The following PLEKHS1 variants were observed in gnomAD, a reference collection of about 807,000 sequenced individuals.
The protein encoded by PLEKHS1 is pleckstrin homology domain-containing family S member 1.
In PLEKHS1, 55 loss-of-function variants were observed where a neutral mutation model predicts 51.0. The ratio of observed to expected loss-of-function variants is 1.08; its 90% confidence interval spans 0.87 to 1.35. The LOEUF (loss-of-function observed/expected upper bound fraction) is 1.35. Ranked by LOEUF, PLEKHS1 falls within the 40% of genes most tolerant of loss-of-function variation. The pLI is 0.00. For missense variants in PLEKHS1, 398 were observed against 423.0 expected (o/e 0.94, Z 0.52); for synonymous variants, 153 against 144.8 (o/e 1.06, Z -0.41).
At chr10:113,767,275 C>T in intron 4 of PLEKHS1, 70 bp from the exon 5 acceptor site, 1 of 1,141,458 alleles carries the variant, frequency 8.8e-7, no homozygotes, top group East Asian at 2.8e-5. Flanking sequence ...CATTTGAATC[C>T]CAATATAAAA....
exon 12 of PLEKHS1, chr10:113,780,925 C>G: frequency 1.4e-6 from 1 of 729,510 alleles, no homozygotes; most frequent in Non-Finnish European, 2.2e-6. Flanking sequence ...ATGACTATCC[C>G]CTCTCTGGTT....
At chr10:113,754,698 C>T (rs950326294) in intron 1 of PLEKHS1, among the ~76,000 whole-genome samples, 3 of 152,096 alleles carry the variant, frequency 2.0e-5, no homozygotes, top group African/African-American at 7.2e-5. Context: ...GTTGGTCAGG[C>T]TGGTCTCGAA....
At chr10:113,769,930 C>A in intron 7 of PLEKHS1, 30 bp downstream of exon 7, 1 of 1,492,324 alleles carries the variant, frequency 6.7e-7, no homozygotes, top group Non-Finnish European at 9.4e-7. Context: ...TCTCAGGACA[C>A]CACACCTGGG....
chr10:113,771,563 T>C lies in PLEKHS1; in HGVS notation c.553-407T>C, dbSNP rs1233707052. ...GGTGATGCGCGCCTGTATTCCCAGCTACTCAGGAGGCTGAGGCAGGAGAAT... is the reference window on the plus strand; with the variant it reads ...GGTGATGCGCGCCTGTATTCCCAGCCACTCAGGAGGCTGAGGCAGGAGAAT... On this transcript the variant is annotated intron_variant, in intron 7 of 11. Coordinates refer to ENST00000361048, the Ensembl canonical transcript of PLEKHS1. 2.0e-5 allele frequency among the ~76,000 whole-genome samples: 3 copies of C among 150,872 alleles called. No homozygotes were observed. In the East Asian group the frequency reaches 5.9e-4, roughly 30 times the overall value.
chr10:113,780,640 G>A (rs375920460), exon 12 of PLEKHS1: 2 of 1,613,916 alleles, frequency 1.2e-6, no homozygotes, highest in East Asian at 4.5e-5. Context: ...CAAATTCAGA[G>A]ACATTCCATG....
intron 1 of PLEKHS1, among the ~76,000 whole-genome samples, chr10:113,753,201 G>A (rs1228488058): frequency 7.2e-5 from 11 of 152,138 alleles, no homozygotes; most frequent in Non-Finnish European, 4.4e-5. Flanking sequence ...TCACTCATTA[G>A]GCTAACAGCT....
chr10:113,765,161 A>T, intron 2 of PLEKHS1: 1 of 436,810 alleles, frequency 2.3e-6, no homozygotes. Context: ...TTGTTTCCTG[A>T]ATATCTTTGT....
At chr10:113,780,106 A>G (rs1844820709) in intron 11 of PLEKHS1, among the ~76,000 whole-genome samples, 1 of 145,638 alleles carries the variant, frequency 6.9e-6, no homozygotes, top group South Asian at 2.5e-4. Flanking sequence ...TATGCTACAG[A>G]TGAGGGAAGT....
chr10:113,767,925 G>A (rs995057315), intron 5 of PLEKHS1, among the ~76,000 whole-genome samples: 5 of 152,094 alleles, frequency 3.3e-5, no homozygotes, highest in Non-Finnish European at 5.9e-5. Flanking sequence ...AAGAACATCA[G>A]TAATATTGGA....
Position 113,777,112 on chromosome 10 carries a change from T to A in PLEKHS1, c.1091+1246T>A. On this transcript the variant is annotated intron_variant, in intron 11 of 11. Coordinates refer to ENST00000361048, the Ensembl canonical transcript of PLEKHS1. ...CCTCACACTGGTATTGGATGTTGTA[T>A]TCCCACTGCAGTGTGTCTCAGTGGG... is the stretch of plus-strand genomic sequence containing the variant. 1 of 1,612,086 alleles carries A rather than the reference T, an allele frequency of 6.2e-7. No individual in the cohort carries two copies. The highest frequency in any genetic ancestry group is 8.5e-7 in the Non-Finnish European group (1 of 1,179,610).
At chr10:113,779,806 G>T (rs961850661) in intron 11 of PLEKHS1, among the ~76,000 whole-genome samples, 1 of 152,106 alleles carries the variant, frequency 6.6e-6, no homozygotes, top group Non-Finnish European at 1.5e-5. Context: ...TCTTGTGCTC[G>T]TTCTGCCTTC....
intron 2 of PLEKHS1, among the ~76,000 whole-genome samples, chr10:113,761,003 A>G (rs1843897493): frequency 6.6e-6 from 1 of 152,144 alleles, no homozygotes; most frequent in Admixed American, 6.6e-5. Context: ...TAGGGGTCCA[A>G]ATTCATTCTT....
At chr10:113,782,506 T>C (rs1354381398), downstream of PLEKHS1, 3 of 152,280 alleles carry the variant, frequency 2.0e-5, no homozygotes, top group African/African-American at 7.2e-5. Context: ...TGGAGCCTGG[T>C]GGGAGGCAGC....
Position 113,755,475 on chromosome 10 carries a change from G to A in PLEKHS1, c.28+170G>A, listed in dbSNP as rs138237417. The A allele has an allele frequency of 8.7e-5, 110 of 1,259,690 alleles. 1 individual carries two copies. The African/African-American group carries it at 1.3e-3, about 14-fold the overall frequency. The allele number at this position is 1,259,690 out of a possible 1,614,324, so 78.0% of individuals were successfully genotyped here. A position where few individuals can be genotyped will look rare whatever the true frequency, so the allele number is the denominator to read the frequency against. ...TGCGTAGGCTGGAGTACAGTGGCAC[G>A]ATCTAAGCTCACTGCAACCTGCCAG... On this transcript the variant is annotated intron_variant, in intron 2 of 11. Transcript: ENST00000361048.
At chr10:113,753,790 CAT>C (rs925189131) in intron 1 of PLEKHS1, among the ~76,000 whole-genome samples, 51 of 142,434 alleles carry the variant, frequency 3.6e-4, no homozygotes, top group African/African-American at 1.0e-3. Context: ...TCTCTGAACA[CAT>C]ATATATATAT....
intron 11 of PLEKHS1, among the ~76,000 whole-genome samples, chr10:113,776,308 A>C (rs1354557899): frequency 6.6e-6 from 1 of 152,140 alleles, no homozygotes; most frequent in Non-Finnish European, 1.5e-5. Context: ...AAAAACAAAA[A>C]CTGCTAGTCA....
At chr10:113,755,817 T>C (rs1198633197) in intron 2 of PLEKHS1, among the ~76,000 whole-genome samples, 3 of 152,226 alleles carry the variant, frequency 2.0e-5, no homozygotes, top group Non-Finnish European at 4.4e-5. Context: ...TTTACCTGTC[T>C]AGAAGTTTAG....
At chr10:113,768,963 T>G in intron 6 of PLEKHS1, 73 bp downstream of exon 6, 1 of 1,169,100 alleles carries the variant, frequency 8.6e-7, no homozygotes, top group Non-Finnish European at 1.2e-6. Context: ...CAATGGTAGC[T>G]TTCCTTTGCC....
chr10:113,768,707 C>A, intron 5 of PLEKHS1, 108 bp from the exon 6 acceptor site: 2 of 813,540 alleles, frequency 2.5e-6, no homozygotes, highest in Non-Finnish European at 3.8e-6. Flanking sequence ...TCTTATTTCG[C>A]TGGTACCTGC....
Sources: allele counts gnomAD v4.1 joint callset (sites outside exome capture counted in the v4.1 genomes callset), GRCh38; gene constraint gnomAD v4.1.1; transcripts MANE v1.5; gene names NCBI Gene and HGNC (gene_info 2026-07-23, HGNC 2026-07-21).